DLG2: variants seen among roughly 807,000 people sequenced by gnomAD.
DLG2 encodes the protein disks large homolog 2.
Under a neutral mutation model 132.5 loss-of-function variants are expected in DLG2, and 45 were observed. That is an observed-to-expected ratio of 0.34 (90% CI 0.27 to 0.44). The LOEUF is 0.44. Ranked by LOEUF, DLG2 falls within the 20% of genes least tolerant of loss-of-function variation. The pLI is 1.00. For synonymous variants in DLG2, 424 were observed against 419.6 expected (o/e 1.01, Z -0.13); for missense variants, 1,045 against 1,196.9 (o/e 0.87, Z 1.87).
intron 3 of DLG2, among the ~76,000 whole-genome samples, chr11:85,463,625 G>A (rs1392780550): frequency 6.6e-6 from 1 of 152,018 alleles, no homozygotes; most frequent in Non-Finnish European, 1.5e-5. Flanking sequence ...TTTTAAATTA[G>A]GCAGGCATGG....
At chr11:85,610,591 T>G (rs1380593185) in intron 2 of DLG2, among the ~76,000 whole-genome samples, 1 of 152,144 alleles carries the variant, frequency 6.6e-6, no homozygotes, top group Non-Finnish European at 1.5e-5. Flanking sequence ...CTAGGCCACT[T>G]CTCAAGTTCA....
At chr11:84,098,225 G>C (rs2097193782) in intron 10 of DLG2, among the ~76,000 whole-genome samples, 1 of 151,974 alleles carries the variant, frequency 6.6e-6, no homozygotes, top group Non-Finnish European at 1.5e-5. Context: ...TTTTAATAGA[G>C]ATGGGGTTTG....
intron 15 of DLG2, among the ~76,000 whole-genome samples, chr11:83,902,991 A>G (rs1483458454): frequency 6.6e-6 from 1 of 152,150 alleles, no homozygotes; most frequent in Non-Finnish European, 1.5e-5. Context: ...TTCTATGATC[A>G]TAGCACCGTC....
intron 18 of DLG2, among the ~76,000 whole-genome samples, chr11:83,645,126 C>T (rs1463446458): frequency 1.3e-5 from 2 of 152,004 alleles, no homozygotes; most frequent in Admixed American, 6.6e-5. Flanking sequence ...AGAGTCTTTG[C>T]TGATTAATTC....
chr11:83,877,706 A>G (rs2065123824), intron 15 of DLG2, among the ~76,000 whole-genome samples: 3 of 152,192 alleles, frequency 2.0e-5, no homozygotes, highest in Admixed American at 6.6e-5. Context: ...AAATGTAATT[A>G]TCCTTTCACT....
chr11:84,389,703 A>T (rs1258651982), intron 7 of DLG2, among the ~76,000 whole-genome samples: 1 of 152,130 alleles, frequency 6.6e-6, no homozygotes, highest in Non-Finnish European at 1.5e-5. Flanking sequence ...CATAACCAAG[A>T]TTATATTAAT....
At chr11:84,972,398 T>C (rs1271833952) in intron 6 of DLG2, among the ~76,000 whole-genome samples, 1 of 152,236 alleles carries the variant, frequency 6.6e-6, no homozygotes, top group Non-Finnish European at 1.5e-5. Context: ...CAGCAATACA[T>C]GCTGATGTCA....
At chr11:84,317,340 G>A (rs998544264) in intron 7 of DLG2, 3 of 1,407,664 alleles carry the variant, frequency 2.1e-6, no homozygotes, top group Admixed American at 3.0e-5. Context: ...CATTATCTGC[G>A]GGCTGGTAGC....
intron 6 of DLG2, among the ~76,000 whole-genome samples, chr11:84,922,732 A>G (rs2092812236): frequency 6.6e-6 from 1 of 152,090 alleles, no homozygotes; most frequent in Non-Finnish European, 1.5e-5. Context: ...GAAAGACAAA[A>G]TCATAATTCA....
chr11:84,218,132 C>T (rs1034073324), intron 8 of DLG2, among the ~76,000 whole-genome samples: 3 of 151,556 alleles, frequency 2.0e-5, no homozygotes, highest in South Asian at 2.1e-4. Flanking sequence ...TGTGCCACTG[C>T]ACTCCAGCCT....
intron 6 of DLG2, among the ~76,000 whole-genome samples, chr11:84,938,060 G>A (rs939736113): frequency 1.3e-5 from 2 of 152,138 alleles, no homozygotes; most frequent in African/African-American, 4.8e-5. Context: ...GAAATACTGT[G>A]TGGCTTTTTA....
At chr11:85,519,014 T>C (rs1405629332) in intron 3 of DLG2, among the ~76,000 whole-genome samples, 1 of 152,020 alleles carries the variant, frequency 6.6e-6, no homozygotes, top group Non-Finnish European at 1.5e-5. Flanking sequence ...AGAAGACATA[T>C]GGAAAGACAT....
intron 4 of DLG2, among the ~76,000 whole-genome samples, chr11:85,277,209 G>A (rs1165666108): frequency 6.6e-6 from 1 of 152,136 alleles, no homozygotes; most frequent in African/African-American, 2.4e-5. Flanking sequence ...TTAGCCTAGG[G>A]AGGTAGAGCT....
chr11:85,508,345 CA>C (rs2093981667), intron 3 of DLG2, among the ~76,000 whole-genome samples: 1 of 152,012 alleles, frequency 6.6e-6, no homozygotes, highest in African/African-American at 2.4e-5. Context: ...ACACCATGTA[CA>C]CTCCTGCCAC....
At chr11:84,273,649 T>C (rs1329380301) in intron 7 of DLG2, among the ~76,000 whole-genome samples, 1 of 152,172 alleles carries the variant, frequency 6.6e-6, no homozygotes, top group African/African-American at 2.4e-5. Context: ...GGTGGTGGAA[T>C]TTAAGTAGCT....
At chr11:84,112,994 C>T (rs1259549450) in intron 9 of DLG2, among the ~76,000 whole-genome samples, 2 of 152,130 alleles carry the variant, frequency 1.3e-5, no homozygotes, top group Non-Finnish European at 2.9e-5. Context: ...TCTTCAAGAT[C>T]AAATAATAAT....
intron 5 of DLG2, among the ~76,000 whole-genome samples, chr11:85,147,550 A>G (rs960748663): frequency 6.6e-6 from 1 of 152,222 alleles, no homozygotes; most frequent in Non-Finnish European, 1.5e-5. Flanking sequence ...CTTATCTAAT[A>G]TATGACTTGC....
chr11:84,976,525 T>A (rs2054930601), intron 6 of DLG2, among the ~76,000 whole-genome samples: 1 of 152,172 alleles, frequency 6.6e-6, no homozygotes, highest in African/African-American at 2.4e-5. Flanking sequence ...ATATTTAATA[T>A]TTTTAAATTT....
intron 7 of DLG2, among the ~76,000 whole-genome samples, chr11:84,386,291 GA>G (rs2154436042): frequency 1.3e-5 from 2 of 151,924 alleles, no homozygotes. Flanking sequence ...TTCTATACAT[GA>G]AAAATGAAGA....
Sources: allele counts gnomAD v4.1 joint callset (sites outside exome capture counted in the v4.1 genomes callset), GRCh38; gene constraint gnomAD v4.1.1; transcripts MANE v1.5; gene names NCBI Gene and HGNC (gene_info 2026-07-23, HGNC 2026-07-21).